The following ZNF736 variants were observed in gnomAD, a reference collection of about 807,000 sequenced individuals.
ZNF736 encodes KRAB-containing zinc-finger repressor protein.
In ZNF736, 6 loss-of-function variants were observed where a neutral mutation model predicts 11.7. The ratio of observed to expected loss-of-function variants is 0.51; its 90% CI spans 0.28 to 1.01. ZNF736 has a LOEUF of 1.01. ZNF736 is among the 50% of genes least tolerant of loss of function. The pLI, the probability that ZNF736 is intolerant of heterozygous loss-of-function variation, is 0.09. For missense variants in ZNF736, 444 were observed against 496.0 expected (o/e 0.90, Z 1.00); for synonymous variants, 139 against 164.7 (o/e 0.84, Z 1.19).
intron 1 of ZNF736, among the ~76,000 whole-genome samples, chr7:64,325,006 C>G (rs1290005011): frequency 6.6e-6 from 1 of 152,102 alleles, no homozygotes; most frequent in South Asian, 2.1e-4. Flanking sequence ...ATTCTTTTGT[C>G]AGGTGTTGTC....
rs537645875 is a variant in ZNF736 at position 64,317,070 on chromosome 7, G to T, written c.3+2917G>T. Among the ~76,000 whole-genome samples the T allele has an allele frequency of 1.0e-3, 158 of 152,316 alleles. 1 individual carries two copies. The highest frequency in any genetic ancestry group is 3.4e-3 in the African/African-American group (143 of 41,574). ...CTCTTGTGCAGGGTGGAGAATTTGT[G>T]ACAGTGGCCAACTCATTTTTTTAAA... On this transcript the variant is annotated intron_variant, in intron 1 of 3. Coordinates refer to ENST00000423484, the MANE Select transcript of ZNF736 (RefSeq NM_001170905.3).
At chr7:64,347,217 C>CT (rs35033527) in intron 3 of ZNF736, among the ~76,000 whole-genome samples, 1,238 of 55,790 alleles carry the variant, frequency 0.022, 25 homozygotes, top group African/African-American at 0.048. Context: ...AAATGTTCGC[C>CT]TTTTTTTTTT....
Position 64,354,182 on chromosome 7 carries a change from T to C in ZNF736, c.*5035T>C, listed in dbSNP as rs1274729300. On this transcript the variant is annotated 3_prime_UTR_variant, in exon 4 of 4. Transcript: ENST00000423484. ...TAATTGGAGCTATATGTTTCTGAAT[T>C]CTGAACAACTATTTATAAAATTTTA... 2 of 152,220 alleles carry C rather than the reference T, an allele frequency of 1.3e-5. No homozygotes were observed. The highest frequency in any genetic ancestry group is 2.9e-5 in the Non-Finnish European group (2 of 68,020). The allele number at this position is 152,220 out of a possible 1,614,324, so 9.4% of individuals were successfully genotyped here.
In ZNF736 at chr7:64,355,451, T is replaced by C. The variant is rs642524; in HGVS notation, c.*6304T>C. The C allele has an allele frequency of 0.92, 138,579 of 150,922 alleles. 63,723 individuals are homozygous for C. Among genetic ancestry groups the C allele is most frequent in the Non-Finnish European group, 0.94 (63,681 of 67,734 alleles). The allele number at this position is 150,922 out of a possible 1,614,324, so 9.3% of individuals were successfully genotyped here. ...AAGCTGGTGTGCAGTGGTGTGATCT[T>C]GGCTCGCTGCAGCCTCCACCTCCCA... On this transcript the variant is annotated 3_prime_UTR_variant, in exon 4 of 4. Coordinates refer to ENST00000423484, the MANE Select transcript of ZNF736 (RefSeq NM_001170905.3).
chr7:64,348,242 A>G lies in ZNF736; in HGVS notation c.379A>G (p.Lys127Glu), dbSNP rs1218073577. ...AAGTGTGGGTAATTGCAAGGGGCAG[A>G]AAAGCAGTTATAATGGCCTTCATCA... ...YQSVGNCKGQKSSYNGLHQCL... is the reference protein window; with the variant it reads ...YQSVGNCKGQESSYNGLHQCL... Residue 127 changes from lysine to glutamate, a missense_variant, in exon 4 of 4, where the codon AAA becomes GAA. Lys to Glu is a moderately conservative substitution (Grantham distance 56, BLOSUM62 1). Coordinates refer to ENST00000423484, the MANE Select transcript of ZNF736 (RefSeq NM_001170905.3). 1.9e-6 allele frequency: 3 copies of G among 1,551,994 alleles called. No individual in the cohort carries two copies. The highest frequency in any genetic ancestry group is 2.6e-6 in the Non-Finnish European group (3 of 1,146,924).
At chr7:64,342,353 T>C (rs906245503) in intron 3 of ZNF736, among the ~76,000 whole-genome samples, 2 of 152,144 alleles carry the variant, frequency 1.3e-5, no homozygotes, top group African/African-American at 2.4e-5. Context: ...TCTGATTAAG[T>C]ACAAGAAAAT....
chr7:64,341,518 C>T (rs10242581), intron 3 of ZNF736, among the ~76,000 whole-genome samples: 98,829 of 151,996 alleles, frequency 0.65, 33,080 homozygotes, highest in African/African-American at 0.82. Flanking sequence ...TCCTCATTTT[C>T]TTGTCAGATT....
chr7:64,335,272 C>T (rs1228707006), intron 1 of ZNF736, among the ~76,000 whole-genome samples: 13 of 151,554 alleles, frequency 8.6e-5, no homozygotes, highest in Admixed American at 2.6e-4. Flanking sequence ...AACAAACCTG[C>T]ACATGTATCC....
At position 64,352,123 on chromosome 7, in the gene ZNF736, A is replaced by G. The variant is rs1242196029; in HGVS notation, c.*2976A>G. On this transcript the variant is annotated 3_prime_UTR_variant, in exon 4 of 4. Transcript: ENST00000423484. ...CCGGGCCTGGAGAACCTGCCTCGTG[A>G]GAATATATGAGAACAGGCACTCACG... 2 of 152,246 alleles carry G rather than the reference A, an allele frequency of 1.3e-5. No homozygotes were observed. Among genetic ancestry groups the G allele is most frequent in the Non-Finnish European group, 2.9e-5 (2 of 68,130 alleles). The allele number at this position is 152,246 out of a possible 1,614,324, so 9.4% of individuals were successfully genotyped here.
chr7:64,345,832 A>G (rs6460140), intron 3 of ZNF736, among the ~76,000 whole-genome samples: 51,714 of 151,224 alleles, frequency 0.34, 9,490 homozygotes, highest in African/African-American at 0.49. Context: ...TTCCATTTGG[A>G]CCATAAATAA....
intron 1 of ZNF736, among the ~76,000 whole-genome samples, chr7:64,319,488 C>CTTTTTTTTTTT (rs1408764142): frequency 2.7e-5 from 2 of 75,266 alleles, no homozygotes; most frequent in African/African-American, 1.1e-4. Flanking sequence ...ACATTTCTTC[C>CTTTTTTTTTTT]CTTTTTTTTT....
chr7:64,327,369 T>A lies in ZNF736; in HGVS notation c.4-8890T>A, dbSNP rs186661845. ...TTTTTGTTTCCATTTGCATGAAATA[T>A]CTTTTTCTATCCCTTTATTTTCAGT... On this transcript the variant is annotated intron_variant, in intron 1 of 3. Coordinates refer to ENST00000423484, the MANE Select transcript of ZNF736 (RefSeq NM_001170905.3). 4.5e-4 allele frequency among the ~76,000 whole-genome samples: 68 copies of A among 152,308 alleles called. No individual in the cohort carries two copies. The East Asian group carries it at 0.011, about 24-fold the overall frequency.
At chr7:64,338,297 G>T (rs1323345683) in intron 3 of ZNF736, among the ~76,000 whole-genome samples, 1 of 152,106 alleles carries the variant, frequency 6.6e-6, no homozygotes, top group Non-Finnish European at 1.5e-5. Context: ...ATAAAGAAAT[G>T]ATTAATACAA....
chr7:64,347,962 A>C, intron 3 of ZNF736, 128 bp from the exon 4 acceptor site: 1 of 883,598 alleles, frequency 1.1e-6, no homozygotes. Context: ...TGTTAGGTTT[A>C]TATGTCTATA....
intron 3 of ZNF736, among the ~76,000 whole-genome samples, chr7:64,347,346 C>T (rs1045213855): frequency 6.6e-6 from 1 of 151,362 alleles, no homozygotes; most frequent in African/African-American, 2.4e-5. Context: ...CTGCCTCAGC[C>T]TCCCAAGTAG....
At chr7:64,344,609 T>C (rs1369424976) in intron 3 of ZNF736, among the ~76,000 whole-genome samples, 7 of 152,208 alleles carry the variant, frequency 4.6e-5, no homozygotes, top group African/African-American at 1.7e-4. Context: ...GTCTTTATAA[T>C]AGATATTAGA....
chr7:64,341,742 A>G (rs980867692), intron 3 of ZNF736, among the ~76,000 whole-genome samples: 3 of 152,154 alleles, frequency 2.0e-5, no homozygotes, highest in African/African-American at 7.2e-5. Context: ...TTTTACTTAG[A>G]CCAATTGCTG....
chr7:64,332,242 A>G (rs1319425718), intron 1 of ZNF736, among the ~76,000 whole-genome samples: 2 of 150,950 alleles, frequency 1.3e-5, no homozygotes, highest in South Asian at 2.1e-4. Context: ...CAGTCTTTCT[A>G]TTTTCCATAA....
intron 1 of ZNF736, among the ~76,000 whole-genome samples, chr7:64,332,236 C>T (rs1055473778): frequency 1.3e-5 from 2 of 150,934 alleles, no homozygotes; most frequent in African/African-American, 4.9e-5. Context: ...TGCCCCCAGT[C>T]TTTCTATTTT....
Sources: allele counts gnomAD v4.1 joint callset (sites outside exome capture counted in the v4.1 genomes callset), GRCh38; gene constraint gnomAD v4.1.1; transcripts MANE v1.5; gene names NCBI Gene and HGNC (gene_info 2026-07-23, HGNC 2026-07-21).